The following TTLL5 variants were observed in gnomAD, a reference collection of about 807,000 sequenced individuals.
TTLL5 encodes tubulin tyrosine ligase like 5, also known as tubulin polyglutamylase TTLL5.
In TTLL5, 132 loss-of-function variants were observed where a neutral mutation model predicts 168.4. That is an observed-to-expected ratio of 0.78 (90% confidence interval 0.68 to 0.91). The LOEUF is 0.91. TTLL5 is among the 40% of genes least tolerant of loss of function. The pLI is 0.00. For missense variants in TTLL5, 1,545 were observed against 1,581.5 expected (o/e 0.98, Z 0.39); for synonymous variants, 546 against 558.6 (o/e 0.98, Z 0.32).
At chr14:75,954,279 C>G in intron 31 of TTLL5, 145 bp from the exon 32 acceptor site, 1 of 514,368 alleles carries the variant, frequency 1.9e-6, no homozygotes, top group Non-Finnish European at 3.3e-6. Context: ...AAAAAAAGAG[C>G]TTTCCACTTA....
intron 7 of TTLL5, among the ~76,000 whole-genome samples, chr14:75,703,324 T>G (rs2140163866): frequency 6.6e-6 from 1 of 152,336 alleles, no homozygotes; most frequent in South Asian, 2.1e-4. Flanking sequence ...TTGGAAACTC[T>G]CTGCAAATAG....
intron 29 of TTLL5, among the ~76,000 whole-genome samples, chr14:75,881,818 C>A (rs1381941367): frequency 6.6e-6 from 1 of 152,104 alleles, no homozygotes; most frequent in Non-Finnish European, 1.5e-5. Flanking sequence ...AGACTAGTAA[C>A]AAAATTGAGA....
At chr14:75,885,350 T>C (rs936579764) in intron 30 of TTLL5, among the ~76,000 whole-genome samples, 2 of 151,250 alleles carry the variant, frequency 1.3e-5, no homozygotes, top group Admixed American at 1.3e-4. Context: ...AAATTAGCCG[T>C]GCATGATGGT....
chr14:75,884,328 C>G (rs536145945), intron 30 of TTLL5, among the ~76,000 whole-genome samples: 2 of 152,184 alleles, frequency 1.3e-5, no homozygotes, highest in African/African-American at 4.8e-5. Flanking sequence ...CTCAGAAGGC[C>G]CTTGGTGGCC....
chr14:75,911,858 A>G (rs1026605953), intron 31 of TTLL5, among the ~76,000 whole-genome samples: 3 of 152,240 alleles, frequency 2.0e-5, no homozygotes, highest in African/African-American at 7.2e-5. Flanking sequence ...ATTAATCATC[A>G]TCGTACATGT....
At chr14:75,690,113 G>A in intron 5 of TTLL5, 79 bp from the exon 6 acceptor site, 1 of 1,529,262 alleles carries the variant, frequency 6.5e-7, no homozygotes, top group Non-Finnish European at 9.0e-7. Context: ...ACTGTGAACT[G>A]TAACTCTTTA....
intron 6 of TTLL5, among the ~76,000 whole-genome samples, chr14:75,690,755 G>A (rs779198973): frequency 6.6e-6 from 1 of 151,988 alleles, no homozygotes; most frequent in African/African-American, 2.4e-5. Context: ...AAGTAGCTGG[G>A]AATACAGGCA....
rs759610326 is a variant in TTLL5 at position 75,811,153 on chromosome 14, A to AAG, written c.3172-8851_3172-8850dup. Among the ~76,000 whole-genome samples, 901 of 117,976 alleles carry AAG rather than the reference A, an allele frequency of 7.6e-3. 19 individuals carry two copies. Among genetic ancestry groups the AAG allele is most frequent in the East Asian group, 0.052 (209 of 4,010 alleles). The allele number at this position is 117,976 out of a possible 152,430, so 77.4% of individuals were successfully genotyped here. A position where few individuals can be genotyped will look rare whatever the true frequency, so the allele number is the denominator to read the frequency against. ...GTGGGGAAAGAGAGGGAATGAAAGAAAGAGTGTGTGTGTGTGTGTGTGTGT... is the reference window on the plus strand; with the variant it reads ...GTGGGGAAAGAGAGGGAATGAAAGAAAGAGAGTGTGTGTGTGTGTGTGTGTGT... On this transcript the variant is annotated intron_variant, in intron 27 of 31. Coordinates refer to ENST00000298832, the MANE Select transcript of TTLL5 (RefSeq NM_015072.5).
chr14:75,759,136 C>T (rs1890470856), intron 18 of TTLL5, among the ~76,000 whole-genome samples: 1 of 152,044 alleles, frequency 6.6e-6, no homozygotes, highest in Non-Finnish European at 1.5e-5. Flanking sequence ...AGAAAGGACA[C>T]TAATTACCAA....
At chr14:75,876,231 G>C (rs2031470554) in intron 29 of TTLL5, among the ~76,000 whole-genome samples, 1 of 152,208 alleles carries the variant, frequency 6.6e-6, no homozygotes, top group African/African-American at 2.4e-5. Flanking sequence ...TAGCTACACT[G>C]TGCTGGTCAG....
At chr14:75,947,170 G>A (rs2034802312) in intron 31 of TTLL5, among the ~76,000 whole-genome samples, 1 of 152,220 alleles carries the variant, frequency 6.6e-6, no homozygotes, top group Non-Finnish European at 1.5e-5. Flanking sequence ...GGGAACAGTG[G>A]AGGGAAGAGA....
rs200725959 is a variant in TTLL5 at position 75,783,544 on chromosome 14, C to A, written c.2986+14C>A. 71 of 1,608,258 alleles carry A rather than the reference C, an allele frequency of 4.4e-5. No individual in the cohort carries two copies. Among genetic ancestry groups the A allele is most frequent in the Non-Finnish European group, 5.6e-5 (66 of 1,175,968 alleles). ...CAGCAAAGGCAGGTGAGTGAGAGAA[C>A]GAAAGACAGTCCACAATGTGAGCTC... is the stretch of plus-strand genomic sequence containing the variant. On this transcript the variant is annotated intron_variant, in intron 26 of 31. Coordinates refer to ENST00000298832, the MANE Select transcript of TTLL5 (RefSeq NM_015072.5).
intron 15 of TTLL5, among the ~76,000 whole-genome samples, chr14:75,741,091 T>C (rs920846073): frequency 6.6e-6 from 1 of 152,238 alleles, no homozygotes; most frequent in African/African-American, 2.4e-5. Context: ...GAGTGGAGAC[T>C]GGTGGTTCCT....
chr14:75,816,112 G>T (rs2140403890), intron 27 of TTLL5, among the ~76,000 whole-genome samples: 1 of 152,296 alleles, frequency 6.6e-6, no homozygotes, highest in East Asian at 1.9e-4. Context: ...GGTAACAGTA[G>T]AACCTGTTAC....
At chr14:75,929,711 C>T (rs1050815212) in intron 31 of TTLL5, among the ~76,000 whole-genome samples, 1 of 152,104 alleles carries the variant, frequency 6.6e-6, no homozygotes, top group Non-Finnish European at 1.5e-5. Context: ...CCTCGGCCTC[C>T]CAAAGTGCTG....
At chr14:75,707,398 CATT>C (rs1370028763) in intron 8 of TTLL5, among the ~76,000 whole-genome samples, 1 of 151,850 alleles carries the variant, frequency 6.6e-6, no homozygotes, top group Non-Finnish European at 1.5e-5. Context: ...TGTATATATA[CATT>C]ATACGGTTTT....
chr14:75,867,751 C>T (rs917180416), intron 29 of TTLL5, among the ~76,000 whole-genome samples: 26 of 144,586 alleles, frequency 1.8e-4, no homozygotes, highest in African/African-American at 6.2e-4. Context: ...CAGATTGAGA[C>T]TGTCTCCAAA....
chr14:75,734,875 CTG>C (rs1888785892), intron 14 of TTLL5, among the ~76,000 whole-genome samples: 2 of 152,200 alleles, frequency 1.3e-5, no homozygotes, highest in East Asian at 3.8e-4. Flanking sequence ...TTATTAACAA[CTG>C]TGTGTTTTAA....
intron 18 of TTLL5, among the ~76,000 whole-genome samples, chr14:75,764,000 C>G (rs1311192660): frequency 6.6e-6 from 1 of 152,070 alleles, no homozygotes; most frequent in African/African-American, 2.4e-5. Context: ...GGGTGGGTGC[C>G]TTGGCATTTC....
Sources: gnomAD v4.1 joint callset for allele counts (sites outside exome capture counted in the v4.1 genomes callset) on GRCh38, gnomAD v4.1.1 for gene constraint, MANE v1.5 for transcripts, NCBI Gene and HGNC (gene_info 2026-07-23, HGNC 2026-07-21) for gene names.